Variants in KIAA1328 observed in about 807,000 individuals in gnomAD.
KIAA1328 encodes the protein protein hinderin.
In KIAA1328, 52 loss-of-function variants were observed where a neutral mutation model predicts 68.1. The observed-to-expected ratio is 0.76, with a 90% CI of 0.61 to 0.96. The LOEUF (loss-of-function observed/expected upper bound fraction) is 0.96, where lower values mean the gene tolerates loss of function less well. Among genes scored for constraint, KIAA1328 ranks in the 40% least tolerant of loss-of-function variants. The pLI is 0.00. For missense variants in KIAA1328, 641 were observed against 677.6 expected, an observed-to-expected ratio of 0.95 and a Z score of 0.60; for synonymous variants, 232 against 239.4, an observed-to-expected ratio of 0.97 and a Z score of 0.28.
At chr18:36,871,820 C>G (rs1462241090) in intron 4 of KIAA1328, among the ~76,000 whole-genome samples, 1 of 152,020 alleles carries the variant, frequency 6.6e-6, no homozygotes, top group Non-Finnish European at 1.5e-5. Flanking sequence ...CCCAGCTAAA[C>G]TGCAGCAGAC....
intron 6 of KIAA1328, among the ~76,000 whole-genome samples, chr18:37,059,927 A>G (rs1352781943): frequency 1.3e-5 from 2 of 151,906 alleles, no homozygotes; most frequent in African/African-American, 2.4e-5. Context: ...TTCTCAGCAA[A>G]CTAACACAGG....
intron 5 of KIAA1328, among the ~76,000 whole-genome samples, chr18:36,952,210 A>G (rs1327517762): frequency 6.6e-6 from 1 of 152,034 alleles, no homozygotes; most frequent in South Asian, 2.1e-4. Context: ...TGGTACATCT[A>G]TATACTTCTT....
chr18:37,215,855 C>T (rs557994344), intron 9 of KIAA1328, among the ~76,000 whole-genome samples: 1 of 152,146 alleles, frequency 6.6e-6, no homozygotes, highest in Non-Finnish European at 1.5e-5. Context: ...AGGGATTCAA[C>T]TTCTTCCTGG....
Position 37,224,355 on chromosome 18 carries a change from G to A in KIAA1328, c.*2128G>A. 1.0e-6 allele frequency: 1 copy of A among 985,400 alleles called. No individual in the cohort carries two copies. The highest frequency in any genetic ancestry group is 1.2e-6 in the Non-Finnish European group (1 of 829,932). The allele number at this position is 985,400 out of a possible 1,614,324, so 61.0% of individuals were successfully genotyped here. A position where few individuals can be genotyped will look rare whatever the true frequency, so the allele number is the denominator to read the frequency against. On this transcript the variant is annotated 3_prime_UTR_variant, in exon 10 of 10. Transcript: ENST00000280020. ...TTGGGGGTCACAGCCACAGAGTGGAGTTTTATTGCTTCTTTGCCTCTCCAT... is the reference window on the plus strand; with the variant it reads ...TTGGGGGTCACAGCCACAGAGTGGAATTTTATTGCTTCTTTGCCTCTCCAT...
downstream of KIAA1328, chr18:37,231,687 C>T (rs1047809943): frequency 6.5e-6 from 1 of 153,102 alleles, no homozygotes; most frequent in Non-Finnish European, 1.5e-5. Flanking sequence ...TTAACTGACA[C>T]CTCCTTGGCA....
intron 6 of KIAA1328, among the ~76,000 whole-genome samples, chr18:36,979,210 AAAG>A (rs1171991594): frequency 3.5e-5 from 1 of 28,684 alleles, no homozygotes; most frequent in African/African-American, 5.9e-5. Flanking sequence ...AAATAAAAAG[AAAG>A]AAGGTTATAT....
intron 4 of KIAA1328, among the ~76,000 whole-genome samples, chr18:36,867,250 A>G (rs1300902356): frequency 6.6e-6 from 1 of 152,148 alleles, no homozygotes; most frequent in Non-Finnish European, 1.5e-5. Flanking sequence ...TTAGCTTTTA[A>G]ACAACAACAG....
rs188108210 is a variant in KIAA1328 at position 37,162,957 on chromosome 18, C to A, written c.1414+2576C>A. Among the ~76,000 whole-genome samples, 549 of 151,170 alleles carry A rather than the reference C, an allele frequency of 3.6e-3. 2 individuals carry two copies. The highest frequency in any genetic ancestry group is 5.9e-3 in the Non-Finnish European group (404 of 67,930). On this transcript the variant is annotated intron_variant, in intron 8 of 9. Coordinates refer to ENST00000280020, the MANE Select transcript of KIAA1328 (RefSeq NM_020776.3). ...ATAGCAAAGATATGTACAGTATTGT[C>A]AAAATTACACTTAAGATATATAGAC...
intron 9 of KIAA1328, among the ~76,000 whole-genome samples, chr18:37,202,697 C>T (rs1217608643): frequency 6.6e-6 from 1 of 152,034 alleles, no homozygotes; most frequent in African/African-American, 2.4e-5. Context: ...TATACCAAGA[C>T]ATATCAGAAT....
At chr18:37,051,061 T>G (rs1041845267) in intron 6 of KIAA1328, among the ~76,000 whole-genome samples, 1 of 152,202 alleles carries the variant, frequency 6.6e-6, no homozygotes, top group African/African-American at 2.4e-5. Context: ...ATTAGAATTA[T>G]AATCAAGGTC....
At chr18:36,997,158 G>C (rs2053423878) in intron 6 of KIAA1328, among the ~76,000 whole-genome samples, 1 of 152,150 alleles carries the variant, frequency 6.6e-6, no homozygotes, top group Admixed American at 6.5e-5. Context: ...AGTCCTTCAG[G>C]AAATATTTTC....
At chr18:37,192,084 G>A (rs777840073) in intron 9 of KIAA1328, among the ~76,000 whole-genome samples, 34 of 151,770 alleles carry the variant, frequency 2.2e-4, no homozygotes, top group Non-Finnish European at 4.3e-4. Flanking sequence ...AGCTCATCCT[G>A]TCCCCACTGA....
chr18:36,902,711 G>T (rs2049084147), intron 5 of KIAA1328, among the ~76,000 whole-genome samples: 1 of 151,940 alleles, frequency 6.6e-6, no homozygotes, highest in Admixed American at 6.6e-5. Flanking sequence ...TATAACCAGG[G>T]AAACACAATT....
chr18:37,189,228 T>A (rs2059859575), intron 9 of KIAA1328, among the ~76,000 whole-genome samples: 1 of 152,182 alleles, frequency 6.6e-6, no homozygotes, highest in South Asian at 2.1e-4. Context: ...TATTTAGGTA[T>A]AAAAAGCAAT....
intron 6 of KIAA1328, among the ~76,000 whole-genome samples, chr18:37,013,030 G>A (rs1050964131): frequency 1.4e-4 from 22 of 152,206 alleles, no homozygotes; most frequent in Non-Finnish European, 1.6e-4. Flanking sequence ...TTCTGCTGAC[G>A]TTAGTAACTC....
At chr18:37,066,334 T>C (rs1407322632) in intron 6 of KIAA1328, among the ~76,000 whole-genome samples, 1 of 152,234 alleles carries the variant, frequency 6.6e-6, no homozygotes, top group Non-Finnish European at 1.5e-5. Context: ...TAAATAACGC[T>C]TTTGATTAGA....
At chr18:37,076,220 C>T (rs1422235954) in intron 7 of KIAA1328, among the ~76,000 whole-genome samples, 2 of 152,166 alleles carry the variant, frequency 1.3e-5, no homozygotes. Context: ...GAACAACCTG[C>T]TCCTGAATGA....
Position 37,223,557 on chromosome 18 carries a change from G to A in KIAA1328, c.*1330G>A, listed in dbSNP as rs1599641730. On this transcript the variant is annotated 3_prime_UTR_variant, in exon 10 of 10. Coordinates refer to ENST00000280020, the MANE Select transcript of KIAA1328 (RefSeq NM_020776.3). ...TTGGGAATTTTATTTGATCTGGAGG[G>A]TGTGGCTTTTTTTCTCTCCTTTTTA... is the stretch of plus-strand genomic sequence containing the variant. 1.0e-6 allele frequency: 1 copy of A among 985,418 alleles called. No homozygotes were observed. Among genetic ancestry groups the A allele is most frequent in the Non-Finnish European group, 1.2e-6 (1 of 829,932 alleles). The allele number at this position is 985,418 out of a possible 1,614,324, so 61.0% of individuals were successfully genotyped here. A position where few individuals can be genotyped will look rare whatever the true frequency, so the allele number is the denominator to read the frequency against.
At chr18:36,888,086 A>C (rs2048560613) in intron 5 of KIAA1328, among the ~76,000 whole-genome samples, 1 of 152,180 alleles carries the variant, frequency 6.6e-6, no homozygotes, top group Non-Finnish European at 1.5e-5. Context: ...ATGGCTGTGA[A>C]TGGTTTCTTT....
Sources: gnomAD v4.1 joint callset for allele counts (sites outside exome capture counted in the v4.1 genomes callset) on GRCh38, gnomAD v4.1.1 for gene constraint, MANE v1.5 for transcripts, NCBI Gene and HGNC (gene_info 2026-07-23, HGNC 2026-07-21) for gene names.